TMPPE: variants seen among roughly 807,000 people sequenced by gnomAD.
TMPPE encodes transmembrane protein with metallophosphoesterase domain.
Under a neutral mutation model 22.6 loss-of-function variants are expected in TMPPE, and 16 were observed. That is an observed-to-expected ratio of 0.71 (90% CI 0.48 to 1.08). TMPPE has a LOEUF of 1.08. TMPPE is among the 50% of genes least tolerant of loss of function. TMPPE has a pLI of 0.00. For missense variants in TMPPE, 526 were observed against 584.3 expected (o/e 0.90, Z 1.03); for synonymous variants, 240 against 245.3 (o/e 0.98, Z 0.20).
Position 33,091,418 on chromosome 3 carries a change from A to T in TMPPE, c.*1416T>A, listed in dbSNP as rs1700756726. 1 of 985,522 alleles carries T rather than the reference A, an allele frequency of 1.0e-6. No individual in the cohort carries two copies. The highest frequency in any genetic ancestry group is 1.2e-6 in the Non-Finnish European group (1 of 830,008). 61.0% of individuals were successfully genotyped at this position (985,522 alleles called of 1,614,324 possible). ...CCCCTAGCAGTTGCTGCTTTGACACATCACCTGCCCCAGCAGCAGGCAGCT... is the reference window on the plus strand; with the variant it reads ...CCCCTAGCAGTTGCTGCTTTGACACTTCACCTGCCCCAGCAGCAGGCAGCT... On this transcript the variant is annotated 3_prime_UTR_variant, in exon 2 of 2. Transcript: ENST00000342462.
Position 33,094,013 on chromosome 3 carries a change from G to C in TMPPE, c.183C>G (p.Leu61=), listed in dbSNP as rs201198984. The part of the protein sequence containing the change: ...FVNSLLLIGS[L]YIWRSTVSNL... The stretch of plus-strand genomic sequence containing the variant: ...TGCTCACTGTGCTGCGCCAAATGTA[G>C]AGGGAGCCAATGAGCAAGAGCGAGT... Residue 61 remains leucine, a synonymous_variant, in exon 2 of 2, where the codon CTC becomes CTG. Transcript: ENST00000342462. The C allele has an allele frequency of 1.2e-6, 2 of 1,614,240 alleles. No individual in the cohort carries two copies. The highest frequency in any genetic ancestry group is 1.3e-5 in the African/African-American group (1 of 75,058).
At position 33,094,048 on chromosome 3, in the gene TMPPE, G is replaced by C. The variant is rs777636307; in HGVS notation, c.148C>G (p.Leu50Val). 6.2e-7 allele frequency: 1 copy of C among 1,614,248 alleles called. No homozygotes were observed. ...ATGAGCAAGAGCGAGTTGACAAACA[G>C]GGCAAGCTGCAAGCGAAGCAGCCAA... ...WRWLLRLQLA[L>V]FVNSLLLIGS... The change falls in exon 2 of 2, where the codon CTG (leucine) becomes GTG (valine). Residue 50 changes from leucine to valine, a missense_variant. Coordinates refer to ENST00000342462, the MANE Select transcript of TMPPE (RefSeq NM_001039770.3).
chr3:33,091,656 T>G lies in TMPPE; in HGVS notation c.*1178A>C, dbSNP rs1203000554. ...AGGTAGATACGATAATTATCCCCAT[T>G]TTAGGGTTGATGGAAACCAAGGCTG... On this transcript the variant is annotated 3_prime_UTR_variant, in exon 2 of 2. Transcript: ENST00000342462. 1.0e-6 allele frequency: 1 copy of G among 984,762 alleles called. No individual in the cohort carries two copies. The highest frequency in any genetic ancestry group is 1.1e-4 in the East Asian group (1 of 8,816). 61.0% of individuals were successfully genotyped at this position (984,762 alleles called of 1,614,324 possible).
chr3:33,096,261 A>G (rs1559425454), intron 1 of TMPPE: 1 of 442,814 alleles, frequency 2.3e-6, no homozygotes, highest in Non-Finnish European at 3.0e-6. Flanking sequence ...GGAGCCCCTC[A>G]GCCAGTCGCC....
intron 1 of TMPPE, chr3:33,096,480 G>C: frequency 1.0e-6 from 1 of 984,952 alleles, no homozygotes; most frequent in Non-Finnish European, 1.2e-6. Flanking sequence ...AAGGGCAGGC[G>C]ACGGGGAGTG....
At chr3:33,094,390 AACC>A in intron 1 of TMPPE, 87 bp from the exon 2 acceptor site, 1 of 1,349,666 alleles carries the variant, frequency 7.4e-7, no homozygotes, top group Admixed American at 3.4e-5. Flanking sequence ...ACATCTGCCC[AACC>A]CACCTTGAAT....
At chr3:33,095,210 C>CAAAAAA (rs71630565) in intron 1 of TMPPE, among the ~76,000 whole-genome samples, 2 of 75,888 alleles carry the variant, frequency 2.6e-5, no homozygotes, top group East Asian at 5.0e-4. Context: ...GACTCTGTCT[C>CAAAAAA]AAAAAAAAAA....
rs773246174 is a variant in TMPPE at position 33,097,051 on chromosome 3, A to C, written c.-441T>G. The C allele has an allele frequency of 6.2e-7, 1 of 1,612,088 alleles. No homozygotes were observed. The highest frequency in any genetic ancestry group is 8.5e-7 in the Non-Finnish European group (1 of 1,178,644). On this transcript the variant is annotated 5_prime_UTR_variant, in exon 1 of 2. Transcript: ENST00000342462. ...AGGGCCCAGAAGCAGCAGAACCAGCAACAGAGGGAGGATGCGAACCAGGAA... is the reference window on the plus strand; with the variant it reads ...AGGGCCCAGAAGCAGCAGAACCAGCCACAGAGGGAGGATGCGAACCAGGAA...
In TMPPE at chr3:33,090,887, T is replaced by C. The variant is rs1373476941; in HGVS notation, c.*1947A>G. On this transcript the variant is annotated 3_prime_UTR_variant, in exon 2 of 2. Coordinates refer to ENST00000342462, the MANE Select transcript of TMPPE (RefSeq NM_001039770.3). ...AAGGGTACATAAGACCACACAATGA[T>C]GGCATTCAAGAGAAAGAAAAGAGGT... 3.0e-6 allele frequency: 3 copies of C among 984,824 alleles called. No homozygotes were observed. Among genetic ancestry groups the C allele is most frequent in the South Asian group, 4.7e-5 (1 of 21,262 alleles). The allele number at this position is 984,824 out of a possible 1,614,324, so 61.0% of individuals were successfully genotyped here.
rs562176735 is a variant in TMPPE, at chr3:33,091,280, C to G, written c.*1554G>C. On this transcript the variant is annotated 3_prime_UTR_variant, in exon 2 of 2. Transcript: ENST00000342462. Reference sequence around the variant, plus strand: ...TGTCAATACCGTGGCTGCCTGGGAACAAAAAGGGTGGTCTCCAGATCCCCC... The same window carrying G: ...TGTCAATACCGTGGCTGCCTGGGAAGAAAAAGGGTGGTCTCCAGATCCCCC... 1.0e-6 allele frequency: 1 copy of G among 985,298 alleles called. No individual in the cohort carries two copies. The highest frequency in any genetic ancestry group is 4.7e-5 in the South Asian group (1 of 21,290). 61.0% of individuals were successfully genotyped at this position (985,298 alleles called of 1,614,324 possible).
At position 33,097,018 on chromosome 3, in the gene TMPPE, C is replaced by G. The variant is rs755668722; in HGVS notation, c.-408G>C. 30 of 1,612,182 alleles carry G rather than the reference C, an allele frequency of 1.9e-5. 1 individual carries two copies. In the Middle Eastern group the frequency reaches 6.6e-4, roughly 36 times the overall value. Reference sequence around the variant, plus strand: ...CGGGTCCCGCAGACTTACGCGCAAGCCGCGCGTAGGGCCCAGAAGCAGCAG... The same window carrying G: ...CGGGTCCCGCAGACTTACGCGCAAGGCGCGCGTAGGGCCCAGAAGCAGCAG... On this transcript the variant is annotated 5_prime_UTR_variant, in exon 1 of 2. Transcript: ENST00000342462.
Position 33,093,005 on chromosome 3 carries a change from G to C in TMPPE, c.1191C>G (p.Ile397Met), listed in dbSNP as rs1209823226. Residue 397 changes from isoleucine (I) to methionine (M), a missense_variant, in exon 2 of 2, where the codon ATC becomes ATG. Coordinates refer to ENST00000342462, the MANE Select transcript of TMPPE (RefSeq NM_001039770.3). This position sits in a 1 kb window ranked among gnomAD's most constrained non-coding sequence, Gnocchi z 6.0. Reference sequence around the variant, plus strand: ...GATAGGCTGCTACGTTCAAGGGGAAGATCTGCCCAGCATGTGTGTGCCCAG... The same window carrying C: ...GATAGGCTGCTACGTTCAAGGGGAACATCTGCCCAGCATGTGTGTGCCCAG... ...ILSGHTHAGQ[I>M]FPLNVAAYLL... 1.9e-6 allele frequency: 3 copies of C among 1,614,140 alleles called. No homozygotes were observed. The Admixed American group carries it at 5.0e-5, about 27-fold the overall frequency.
chr3:33,096,016 T>A, intron 1 of TMPPE, among the ~76,000 whole-genome samples: 1 of 152,236 alleles, frequency 6.6e-6, no homozygotes, highest in Non-Finnish European at 1.5e-5. Context: ...TGGTTGTAGA[T>A]AAATGTACCA....
In TMPPE at chr3:33,091,686, A is replaced by G; in HGVS notation, c.*1148T>C. On this transcript the variant is annotated 3_prime_UTR_variant, in exon 2 of 2. Transcript: ENST00000342462. The stretch of plus-strand genomic sequence containing the variant: ...GGTTGATGGAAACCAAGGCTGAGTG[A>G]GGGAAAGTCACCCACCCAACGCTGC... The G allele has an allele frequency of 2.0e-6, 2 of 985,298 alleles. No homozygotes were observed. The highest frequency in any genetic ancestry group is 2.4e-6 in the Non-Finnish European group (2 of 829,816). The allele number at this position is 985,298 out of a possible 1,614,324, so 61.0% of individuals were successfully genotyped here.
rs528223711 is a variant in TMPPE at position 33,095,675 on chromosome 3, G to C, written c.-109+1044C>G. 2.6e-5 allele frequency among the ~76,000 whole-genome samples: 4 copies of C among 152,244 alleles called. No individual in the cohort carries two copies. The South Asian group carries it at 8.3e-4, about 32-fold the overall frequency. ...AGCTCACATCAGACAGATTGACCCT[G>C]TCCACCTGTTCCTGGTTCATAAATC... On this transcript the variant is annotated intron_variant, in intron 1 of 1. Coordinates refer to ENST00000342462, the MANE Select transcript of TMPPE (RefSeq NM_001039770.3).
chr3:33,096,282 C>T, intron 1 of TMPPE: 1 of 636,084 alleles, frequency 1.6e-6, no homozygotes, highest in Non-Finnish European at 2.0e-6. Flanking sequence ...TCAGCTCGGA[C>T]GCAGCGAGTG....
Position 33,093,608 on chromosome 3 carries a change from GGGC to G in TMPPE, c.585_587del (p.Pro196del). On this transcript the variant is annotated inframe_deletion, in exon 2 of 2. Transcript: ENST00000342462. The surrounding 1 kb of genome is among the most constrained non-coding windows in gnomAD (Gnocchi z 6.0). ...TCATTGAGGCAGGCAGCTGATGGAT[GGGC>G]ACCTCCACAGTTTTCACAGCCGGGG... 6.2e-7 allele frequency: 1 copy of G among 1,614,156 alleles called. No homozygotes were observed. The highest frequency in any genetic ancestry group is 1.7e-5 in the Admixed American group (1 of 60,024).
rs1388441015 is a variant in TMPPE, at chr3:33,092,857, GCT to G, written c.1337_1338del (p.Glu446AlafsTer53). 6.2e-7 allele frequency: 1 copy of G among 1,609,660 alleles called. No individual in the cohort carries two copies. Among genetic ancestry groups the G allele is most frequent in the Non-Finnish European group, 8.5e-7 (1 of 1,177,376 alleles). Reference sequence around the variant, plus strand: ...GTTCAGGGAGACCGCTGCAGGATGAGCTCTGTGATCTCGGCCCTGCTACCCAG... The same window carrying G: ...GTTCAGGGAGACCGCTGCAGGATGAGCTGTGATCTCGGCCCTGCTACCCAG... ...MRLGSRAEIT[E>X]LILQRSP is the part of the protein sequence containing the mutation. On this transcript the variant is annotated frameshift_variant, in exon 2 of 2. Coordinates refer to ENST00000342462, the MANE Select transcript of TMPPE (RefSeq NM_001039770.3). LOFTEE classifies it high-confidence loss of function.
At chr3:33,095,507 G>A (rs1203184338) in intron 1 of TMPPE, among the ~76,000 whole-genome samples, 1 of 152,148 alleles carries the variant, frequency 6.6e-6, no homozygotes, top group African/African-American at 2.4e-5. Context: ...TCTTTCTTTA[G>A]CTGTGGGCAC....
Sources: allele counts gnomAD v4.1 joint callset (sites outside exome capture counted in the v4.1 genomes callset), GRCh38; gene constraint gnomAD v4.1.1; non-coding constraint Gnocchi (gnomAD v3.1); transcripts MANE v1.5; gene names NCBI Gene and HGNC (gene_info 2026-07-23, HGNC 2026-07-21).